Variants in RNF220 observed in about 807,000 individuals in gnomAD.
The protein encoded by RNF220 is E3 ubiquitin-protein ligase RNF220.
RNF220 carries 7 observed loss-of-function variants against 67.1 expected under a neutral mutation model. The observed-to-expected ratio is 0.10, with a 90% CI of 0.06 to 0.20. The LOEUF (loss-of-function observed/expected upper bound fraction) is 0.20. Ranked by LOEUF, RNF220 falls within the 10% of genes least tolerant of loss-of-function variation. The pLI, the probability that RNF220 is intolerant of heterozygous loss-of-function variation, is 1.00. For missense variants in RNF220, 565 were observed against 740.3 expected, an observed-to-expected ratio of 0.76 and a Z score of 2.75; for synonymous variants, 270 against 283.2, an observed-to-expected ratio of 0.95 and a Z score of 0.47.
intron 3 of RNF220, among the ~76,000 whole-genome samples, chr1:44,616,874 C>T (rs963853481): frequency 6.6e-6 from 1 of 152,164 alleles, no homozygotes; most frequent in African/African-American, 2.4e-5. Flanking sequence ...AGTGCAGTCC[C>T]AGGTGCTCCA....
At position 44,593,164 on chromosome 1, in the gene RNF220, T is replaced by C. The variant is rs539643465; in HGVS notation, c.626-21001T>C. ...GCCAGCCCACAGGGACCCACCAGTT[T>C]GTTTGGCAAAGCCCTTTTCCCTGTT... On this transcript the variant is annotated intron_variant, in intron 2 of 14. Transcript: ENST00000361799. 3.9e-5 allele frequency among the ~76,000 whole-genome samples: 6 copies of C among 152,284 alleles called. 1 individual carries two copies. The East Asian group carries it at 1.2e-3, about 29-fold the overall frequency.
intron 6 of RNF220, chr1:44,632,613 T>C: frequency 1.7e-6 from 1 of 585,204 alleles, no homozygotes; most frequent in Non-Finnish European, 3.0e-6. Context: ...CTAAAGGCCC[T>C]GAAGAACCCT....
intron 2 of RNF220, among the ~76,000 whole-genome samples, chr1:44,475,839 C>G (rs936819032): frequency 6.6e-6 from 1 of 151,286 alleles, no homozygotes; most frequent in Non-Finnish European, 1.5e-5. Context: ...TGGTGAAACC[C>G]TGTCTCTATT....
chr1:44,508,386 C>T (rs1356522287), intron 2 of RNF220, among the ~76,000 whole-genome samples: 3 of 152,006 alleles, frequency 2.0e-5, no homozygotes, highest in Non-Finnish European at 2.9e-5. Flanking sequence ...GGCTTACTGC[C>T]GAGCAATGGA....
intron 2 of RNF220, among the ~76,000 whole-genome samples, chr1:44,426,511 A>G (rs769736682): frequency 6.6e-6 from 1 of 152,092 alleles, no homozygotes; most frequent in Non-Finnish European, 1.5e-5. Context: ...AGGATCACCT[A>G]AGGTCAGGAG....
intron 8 of RNF220, chr1:44,643,508 G>A (rs1316390300): frequency 6.6e-6 from 1 of 152,332 alleles, no homozygotes; most frequent in East Asian, 1.9e-4. Flanking sequence ...CAATGGTTTT[G>A]GAGCAGGAGG....
At position 44,454,183 on chromosome 1, in the gene RNF220, A is replaced by G. The variant is rs530989508; in HGVS notation, c.625+41461A>G. Among the ~76,000 whole-genome samples the G allele has an allele frequency of 3.6e-3, 546 of 152,304 alleles. 2 individuals are homozygous for G. Among genetic ancestry groups the G allele is most frequent in the Non-Finnish European group, 5.8e-3 (393 of 68,016 alleles). ...GCAGAATGAGTTTACCATTCTTCCT[A>G]TGTACTAAAATAAGTAACTTAGAAA... On this transcript the variant is annotated intron_variant, in intron 2 of 14. Transcript: ENST00000361799.
chr1:44,428,638 T>G (rs1401835012), intron 2 of RNF220, among the ~76,000 whole-genome samples: 1 of 152,110 alleles, frequency 6.6e-6, no homozygotes, highest in African/African-American at 2.4e-5. Flanking sequence ...CGATGGATGC[T>G]CACAAACCCC....
chr1:44,581,072 TGA>T (rs373387731), intron 2 of RNF220, among the ~76,000 whole-genome samples: 26 of 152,178 alleles, frequency 1.7e-4, no homozygotes, highest in Non-Finnish European at 3.2e-4. Flanking sequence ...AAGCCTTGGC[TGA>T]GAGAGAGAGT....
intron 2 of RNF220, among the ~76,000 whole-genome samples, chr1:44,592,296 G>A (rs546070561): frequency 8.5e-5 from 13 of 152,322 alleles, no homozygotes; most frequent in African/African-American, 2.4e-4. Flanking sequence ...TCAGCTAGGG[G>A]GAGCTGGTGG....
chr1:44,450,054 A>G (rs1428974139), intron 2 of RNF220, among the ~76,000 whole-genome samples: 1 of 152,200 alleles, frequency 6.6e-6, no homozygotes, highest in Non-Finnish European at 1.5e-5. Flanking sequence ...TACTAAAAAT[A>G]CAAAATTAGC....
intron 2 of RNF220, among the ~76,000 whole-genome samples, chr1:44,568,243 C>CA (rs1664172537): frequency 6.6e-6 from 1 of 152,244 alleles, no homozygotes; most frequent in Non-Finnish European, 1.5e-5. Context: ...AAGGCCCTGC[C>CA]AGTTCTGCCT....
chr1:44,510,912 TAAAGGTGAG>T, intron 2 of RNF220, among the ~76,000 whole-genome samples: 1 of 151,880 alleles, frequency 6.6e-6, no homozygotes, highest in African/African-American at 2.4e-5. Context: ...TTCCCAGAGG[TAAAGGTGAG>T]AAAGGGTTGT....
At chr1:44,572,685 C>G (rs1187451414) in intron 2 of RNF220, among the ~76,000 whole-genome samples, 2 of 152,030 alleles carry the variant, frequency 1.3e-5, no homozygotes, top group Non-Finnish European at 2.9e-5. Flanking sequence ...TCTGGCCCAG[C>G]CACTTCTCAG....
chr1:44,525,335 T>C (rs1660284854), intron 2 of RNF220, among the ~76,000 whole-genome samples: 2 of 152,220 alleles, frequency 1.3e-5, no homozygotes, highest in Non-Finnish European at 2.9e-5. Flanking sequence ...TGTGCATTCC[T>C]GTGGAAGAGG....
At position 44,469,340 on chromosome 1, in the gene RNF220, T is replaced by G. The variant is rs190529872; in HGVS notation, c.625+56618T>G. On this transcript the variant is annotated intron_variant, in intron 2 of 14. Coordinates refer to ENST00000361799, the MANE Select transcript of RNF220 (RefSeq NM_018150.4). ...CCTTCCAATCCGTAGGGTCTTTAATTCTTTATGGTACCCAGTGGAGGTGTA... is the reference window on the plus strand; with the variant it reads ...CCTTCCAATCCGTAGGGTCTTTAATGCTTTATGGTACCCAGTGGAGGTGTA... Among the ~76,000 whole-genome samples, 15 of 152,272 alleles carry G rather than the reference T, an allele frequency of 9.9e-5. No homozygotes were observed. In the East Asian group the frequency reaches 2.7e-3, roughly 27 times the overall value.
At chr1:44,643,723 C>G (rs1227126213) in intron 8 of RNF220, 1 of 152,372 alleles carries the variant, frequency 6.6e-6, no homozygotes, top group African/African-American at 2.4e-5. Flanking sequence ...GCCACAGAGT[C>G]TCACATTCTT....
chr1:44,544,459 T>G (rs1661954739), intron 2 of RNF220, among the ~76,000 whole-genome samples: 1 of 152,248 alleles, frequency 6.6e-6, no homozygotes, highest in South Asian at 2.1e-4. Flanking sequence ...GAGGTTTTAA[T>G]GAGTTCATGC....
intron 2 of RNF220, among the ~76,000 whole-genome samples, chr1:44,580,189 T>TA (rs1665166913): frequency 1.3e-5 from 2 of 152,220 alleles, no homozygotes; most frequent in South Asian, 4.1e-4. Context: ...TGAAGAAACT[T>TA]ACTCAAATTC....
Sources: gnomAD v4.1 joint callset for allele counts (sites outside exome capture counted in the v4.1 genomes callset) on GRCh38, gnomAD v4.1.1 for gene constraint, MANE v1.5 for transcripts, NCBI Gene and HGNC (gene_info 2026-07-23, HGNC 2026-07-21) for gene names.